RUNX1T1: variants seen among roughly 807,000 people sequenced by gnomAD.
RUNX1T1 encodes RUNX1 partner transcriptional co-repressor 1, also known as protein CBFA2T1.
In RUNX1T1, 4 loss-of-function variants were observed where a neutral mutation model predicts 62.8. That is an observed-to-expected ratio of 0.06 (90% CI 0.03 to 0.15). The LOEUF is 0.15. RUNX1T1 is among the 10% of genes least tolerant of loss of function. The pLI, the probability that RUNX1T1 is intolerant of heterozygous loss-of-function variation, is 1.00. For synonymous variants in RUNX1T1, 291 were observed against 286.0 expected, an observed-to-expected ratio of 1.02 and a Z score of -0.18; for missense variants, 508 against 754.3, an observed-to-expected ratio of 0.67 and a Z score of 3.82.
At chr8:92,004,083 T>C (rs1820270623) in intron 5 of RUNX1T1, among the ~76,000 whole-genome samples, 3 of 152,214 alleles carry the variant, frequency 2.0e-5, no homozygotes, top group African/African-American at 4.8e-5. Context: ...AAGCAGCTAA[T>C]ACATTTAAGG....
At chr8:91,994,966 T>C (rs910280076) in intron 5 of RUNX1T1, among the ~76,000 whole-genome samples, 6 of 152,258 alleles carry the variant, frequency 3.9e-5, no homozygotes, top group Non-Finnish European at 1.5e-5. Flanking sequence ...GATAGTCCTC[T>C]GGCCAAACCA....
chr8:92,103,023 G>A, upstream of RUNX1T1: 1 of 836,316 alleles, frequency 1.2e-6, no homozygotes, highest in Non-Finnish European at 1.6e-6. Flanking sequence ...CTCGCCACGA[G>A]ACCGCGGAGT....
At chr8:92,051,735 A>T (rs1444427501) in intron 1 of RUNX1T1, among the ~76,000 whole-genome samples, 1 of 152,048 alleles carries the variant, frequency 6.6e-6, no homozygotes, top group Non-Finnish European at 1.5e-5. Flanking sequence ...GAAAGAGAGG[A>T]TGCCTCAATT....
At chr8:92,002,090 A>C (rs1819870530) in intron 5 of RUNX1T1, among the ~76,000 whole-genome samples, 1 of 152,244 alleles carries the variant, frequency 6.6e-6, no homozygotes, top group Non-Finnish European at 1.5e-5. Context: ...ATGGTAAAAG[A>C]ATAAATGTTT....
At chr8:92,102,938 CG>C, upstream of RUNX1T1, 1 of 1,499,548 alleles carries the variant, frequency 6.7e-7, no homozygotes, top group Admixed American at 2.2e-5. The surrounding 1 kb of genome is among the most constrained non-coding windows in gnomAD (Gnocchi z 4.5). Context: ...GGCCGGCCCG[CG>C]GGGCGACGGG....
At chr8:92,095,691 G>A in intron 1 of RUNX1T1, 2 of 818,560 alleles carry the variant, frequency 2.4e-6, no homozygotes, top group Non-Finnish European at 1.7e-6. Context: ...GAGGGATGGA[G>A]GAGGGGGCGG....
chr8:92,073,036 C>G (rs1410482264), intron 2 of RUNX1T1, among the ~76,000 whole-genome samples: 2 of 152,192 alleles, frequency 1.3e-5, no homozygotes, highest in Non-Finnish European at 2.9e-5. Flanking sequence ...TCCTGTCATT[C>G]TTTCCTCCCA....
chr8:92,029,785 T>C (rs751811000), intron 1 of RUNX1T1, among the ~76,000 whole-genome samples: 3 of 152,170 alleles, frequency 2.0e-5, no homozygotes, highest in Non-Finnish European at 1.5e-5. Flanking sequence ...TGAAAACTTC[T>C]TGTAAAACCA....
chr8:92,071,150 C>G (rs1307968955), intron 2 of RUNX1T1: 2 of 152,200 alleles, frequency 1.3e-5, no homozygotes, highest in Non-Finnish European at 2.9e-5. Flanking sequence ...ATGGCCCTTC[C>G]CACAGCAAAT....
chr8:92,095,732 T>A (rs1016231510), intron 1 of RUNX1T1: 29 of 512,170 alleles, frequency 5.7e-5, no homozygotes, highest in Non-Finnish European at 7.5e-5. Context: ...GGCCAGAAAG[T>A]GGGGGAGAGC....
intron 9 of RUNX1T1, among the ~76,000 whole-genome samples, chr8:91,971,599 T>C (rs1216904753): frequency 1.3e-5 from 2 of 152,190 alleles, no homozygotes; most frequent in Non-Finnish European, 2.9e-5. Context: ...GTAATATAAA[T>C]ATGTGCCTTT....
In RUNX1T1 at chr8:91,965,710, C is replaced by G. The variant is rs535375842; in HGVS notation, c.1458+4948G>C. Among the ~76,000 whole-genome samples, 48 of 152,140 alleles carry G rather than the reference C, an allele frequency of 3.2e-4. 1 individual carries two copies. Among genetic ancestry groups the G allele is most frequent in the South Asian group, 1.9e-3 (9 of 4,814 alleles). On this transcript the variant is annotated intron_variant, in intron 10 of 10. Transcript: ENST00000396218. Reference sequence around the variant, plus strand: ...AGACTTTGTCACTTTATTGCAAACCCCTCTTTCTTTAGCCCCTGGAACCAT... The same window carrying G: ...AGACTTTGTCACTTTATTGCAAACCGCTCTTTCTTTAGCCCCTGGAACCAT...
intron 10 of RUNX1T1, among the ~76,000 whole-genome samples, chr8:91,965,966 C>T (rs1273767212): frequency 6.6e-6 from 1 of 151,962 alleles, no homozygotes; most frequent in Admixed American, 6.6e-5. Context: ...CCTTGCAAAG[C>T]AGGCAGATCA....
At chr8:92,001,296 A>T (rs1456517513) in intron 5 of RUNX1T1, among the ~76,000 whole-genome samples, 1 of 152,138 alleles carries the variant, frequency 6.6e-6, no homozygotes, top group African/African-American at 2.4e-5. Flanking sequence ...TTGGGAGGCC[A>T]AGGTGGGAGG....
chr8:92,082,188 G>A (rs577158393), intron 1 of RUNX1T1, among the ~76,000 whole-genome samples: 2 of 152,120 alleles, frequency 1.3e-5, no homozygotes, highest in Admixed American at 1.3e-4. Context: ...CCTGGCCTAA[G>A]TTGTGGTATT....
chr8:92,102,759 C>A, upstream of RUNX1T1: 3 of 1,276,048 alleles, frequency 2.4e-6, no homozygotes, highest in South Asian at 1.6e-5. This position sits in a 1 kb window ranked among gnomAD's most constrained non-coding sequence, Gnocchi z 4.5. Flanking sequence ...GTCGAATAAT[C>A]CAAACGAAGA....
intron 1 of RUNX1T1, among the ~76,000 whole-genome samples, chr8:92,029,466 G>A (rs1331711942): frequency 1.3e-5 from 2 of 152,166 alleles, no homozygotes; most frequent in African/African-American, 4.8e-5. Flanking sequence ...AGCTCAGTAA[G>A]ATGCCCTCGA....
At chr8:91,992,783 G>A (rs957275542) in intron 5 of RUNX1T1, among the ~76,000 whole-genome samples, 10 of 152,150 alleles carry the variant, frequency 6.6e-5, no homozygotes, top group African/African-American at 1.9e-4. Context: ...ACACCCTGAC[G>A]ACACACCATC....
chr8:92,060,659 CATA>C (rs1158938259), intron 1 of RUNX1T1, among the ~76,000 whole-genome samples: 2 of 150,310 alleles, frequency 1.3e-5, no homozygotes, highest in South Asian at 2.1e-4. Flanking sequence ...ATCTTCTACA[CATA>C]ATGTCTTACT....
Sources: allele counts gnomAD v4.1 joint callset (sites outside exome capture counted in the v4.1 genomes callset), GRCh38; gene constraint gnomAD v4.1.1; non-coding constraint Gnocchi (gnomAD v3.1); transcripts MANE v1.5; gene names NCBI Gene and HGNC (gene_info 2026-07-23, HGNC 2026-07-21).